Variants in TENT4A observed in about 807,000 individuals in gnomAD.
The protein encoded by TENT4A is DNA polymerase kappa.
Under a neutral mutation model 72.8 loss-of-function variants are expected in TENT4A, and 7 were observed. That is an observed-to-expected ratio of 0.10 (90% confidence interval 0.05 to 0.18). The LOEUF (loss-of-function observed/expected upper bound fraction) is 0.18, where lower values mean the gene tolerates loss of function less well. TENT4A is among the 10% of genes least tolerant of loss of function. The pLI, the probability that TENT4A is intolerant of heterozygous loss-of-function variation, is 1.00. For synonymous variants in TENT4A, 456 were observed against 434.3 expected, an observed-to-expected ratio of 1.05 and a Z score of -0.62; for missense variants, 831 against 1,017.7, an observed-to-expected ratio of 0.82 and a Z score of 2.50.
intron 6 of TENT4A, 30 bp downstream of exon 6, chr5:6,743,870 T>C: frequency 6.2e-7 from 1 of 1,609,972 alleles, no homozygotes; most frequent in Non-Finnish European, 8.5e-7. Flanking sequence ...ACTGTTTCTG[T>C]TGAGACATGT....
chr5:6,748,719 T>G lies in TENT4A; in HGVS notation c.1586+129T>G, dbSNP rs1279723988. On this transcript the variant is annotated intron_variant, in intron 8 of 12. Coordinates refer to ENST00000230859, the MANE Select transcript of TENT4A (RefSeq NM_006999.6). The stretch of plus-strand genomic sequence containing the variant: ...GCCGTATTTCAGTAGAATCTAGATA[T>G]GTTGGTGAAGGAAGGCCTTCTAGGA... 3 of 992,982 alleles carry G rather than the reference T, an allele frequency of 3.0e-6. No homozygotes were observed. The East Asian group carries it at 7.3e-5, about 24-fold the overall frequency. 61.5% of individuals were successfully genotyped at this position (992,982 alleles called of 1,614,324 possible).
rs1029507583 is a variant in TENT4A at position 6,713,574 on chromosome 5, G to C, written c.-410G>C. ...CCTCCCGCGGGTCCTTCAGCCGCTC[G>C]GCGCCTGGGCCCGCCCCCTCGGCCC... is the stretch of plus-strand genomic sequence containing the variant. On this transcript the variant is annotated 5_prime_UTR_variant, in exon 1 of 13. Coordinates refer to ENST00000230859, the MANE Select transcript of TENT4A (RefSeq NM_006999.6). 6.8e-6 allele frequency: 1 copy of C among 146,838 alleles called. No individual in the cohort carries two copies. The highest frequency in any genetic ancestry group is 2.5e-5 in the African/African-American group (1 of 40,312). 9.1% of individuals were successfully genotyped at this position (146,838 alleles called of 1,614,324 possible).
intron 1 of TENT4A, among the ~76,000 whole-genome samples, chr5:6,728,981 T>C (rs1340100168): frequency 6.6e-6 from 1 of 152,244 alleles, no homozygotes; most frequent in Non-Finnish European, 1.5e-5. Context: ...AAAAAAATGC[T>C]AGGTAAGCAT....
chr5:6,754,689 C>A, intron 12 of TENT4A, 62 bp from the exon 13 acceptor site: 1 of 1,377,376 alleles, frequency 7.3e-7, no homozygotes, highest in East Asian at 2.5e-5. Flanking sequence ...GGTCACTGCC[C>A]GAGGACGTGG....
chr5:6,753,322 A>G (rs913776682), intron 12 of TENT4A, among the ~76,000 whole-genome samples: 1 of 152,262 alleles, frequency 6.6e-6, no homozygotes, highest in African/African-American at 2.4e-5. Context: ...CAAAATGAAG[A>G]CTTTTCCCAT....
At chr5:6,743,278 C>T (rs1276584714) in intron 5 of TENT4A, among the ~76,000 whole-genome samples, 1 of 152,116 alleles carries the variant, frequency 6.6e-6, no homozygotes. Flanking sequence ...AAGCGCAACA[C>T]GAACAGCAGC....
At position 6,754,916 on chromosome 5, in the gene TENT4A, G is replaced by T. The variant is rs1034182952; in HGVS notation, c.2350G>T (p.Asp784Tyr). 6.3e-7 allele frequency: 1 copy of T among 1,589,084 alleles called. No individual in the cohort carries two copies. The highest frequency in any genetic ancestry group is 8.6e-7 in the Non-Finnish European group (1 of 1,161,548). Residue 784 changes from aspartate (D) to tyrosine (Y), a missense_variant, in exon 13 of 13, where the codon GAC (aspartate) becomes TAC (tyrosine). By Grantham distance (160) the Asp-to-Tyr change is radical (BLOSUM62 -3). This residue lies in a region of TENT4A where 332 missense variants were observed against 324.3 expected (regional missense o/e 1.02). Transcript: ENST00000230859. Reference protein sequence around the residue: ...WRRKKHTHTRDSLPVSLSR With the variant: ...WRRKKHTHTRYSLPVSLSR ...GAGGAAAAAACACACACACACACGG[G>T]ACAGTCTGCCCGTGAGCCTCAGCAG... is the stretch of plus-strand genomic sequence containing the variant.
At chr5:6,743,613 C>A in intron 5 of TENT4A, 99 bp from the exon 6 acceptor site, 1 of 962,660 alleles carries the variant, frequency 1.0e-6, no homozygotes, top group Non-Finnish European at 1.6e-6. Context: ...GCAAGAGGAT[C>A]GAGGAAACTT....
At chr5:6,723,657 A>G (rs999253535) in intron 1 of TENT4A, among the ~76,000 whole-genome samples, 2 of 152,238 alleles carry the variant, frequency 1.3e-5, no homozygotes, top group African/African-American at 4.8e-5. Flanking sequence ...AACTCATTCT[A>G]CAAACATGGT....
intron 1 of TENT4A, among the ~76,000 whole-genome samples, chr5:6,734,721 A>G (rs1741388921): frequency 6.6e-6 from 1 of 152,218 alleles, no homozygotes; most frequent in Non-Finnish European, 1.5e-5. Flanking sequence ...TTTGGACACA[A>G]TGCCAAGGTC....
At chr5:6,751,374 A>T in intron 11 of TENT4A, 177 bp downstream of exon 11, 1 of 644,084 alleles carries the variant, frequency 1.6e-6, no homozygotes, top group Non-Finnish European at 2.6e-6. Flanking sequence ...GAGGTCCCCC[A>T]TGTATAGTTT....
chr5:6,720,310 A>G (rs556514982), intron 1 of TENT4A, among the ~76,000 whole-genome samples: 6 of 152,208 alleles, frequency 3.9e-5, no homozygotes, highest in African/African-American at 1.4e-4. Context: ...CCTTGAGGGG[A>G]GGAGGTTCTT....
chr5:6,732,725 A>G lies in TENT4A; in HGVS notation c.717-4785A>G, dbSNP rs141190695. On this transcript the variant is annotated intron_variant, in intron 1 of 12. Transcript: ENST00000230859. ...TTTCGAGTAGTTTCCTGACTAAAAT[A>G]AAAATTCACTAAAAAAAACCTCTGC... Among the ~76,000 whole-genome samples, 6 of 152,322 alleles carry G rather than the reference A, an allele frequency of 3.9e-5. No homozygotes were observed. The East Asian group carries it at 1.2e-3, about 29-fold the overall frequency.
chr5:6,741,071 G>A (rs1049923513), intron 4 of TENT4A, among the ~76,000 whole-genome samples: 2 of 152,238 alleles, frequency 1.3e-5, no homozygotes, highest in African/African-American at 4.8e-5. Context: ...CACCTTTGGA[G>A]TAGAGGAACT....
In TENT4A at chr5:6,752,992, C is replaced by G; in HGVS notation, c.2139C>G (p.Pro713=). 1 of 1,614,220 alleles carries G rather than the reference C, an allele frequency of 6.2e-7. No homozygotes were observed. The highest frequency in any genetic ancestry group is 1.7e-5 in the Admixed American group (1 of 60,028). ...AVHHMSSPAI[P]SASPNPLSSP... is the part of the protein sequence containing the mutation. ...ACCACATGTCTTCCCCGGCCATTCC[C>G]TCAGCGTCCCCCAACCCGCTCTCGA... The change falls in exon 12 of 13, where the codon CCC becomes CCG. Residue 713 remains proline (P), a synonymous_variant. Coordinates refer to ENST00000230859, the MANE Select transcript of TENT4A (RefSeq NM_006999.6).
chr5:6,724,353 A>T (rs1038542447), intron 1 of TENT4A, among the ~76,000 whole-genome samples: 1 of 152,246 alleles, frequency 6.6e-6, no homozygotes, highest in African/African-American at 2.4e-5. Context: ...AAACATTATT[A>T]AAAAATGGAA....
chr5:6,744,388 A>T (rs945339561), intron 6 of TENT4A, among the ~76,000 whole-genome samples: 1 of 152,244 alleles, frequency 6.6e-6, no homozygotes, highest in Non-Finnish European at 1.5e-5. Flanking sequence ...ATAAACTGTA[A>T]TTATACTTTT....
rs766876723 is a variant in TENT4A, at chr5:6,737,598, G to A, written c.805G>A (p.Glu269Lys). The stretch of plus-strand genomic sequence containing the variant: ...GAGAAGAGAGGTGGTGAAACGGATC[G>A]AAACTGTGGTGAAAGACCTTTGGCC... ...AMRREVVKRIETVVKDLWPTA... is the reference protein window; with the variant it reads ...AMRREVVKRIKTVVKDLWPTA... The change falls in exon 2 of 13, where the codon GAA (glutamate) becomes AAA (lysine). Residue 269 changes from glutamate to lysine, a missense_variant. By Grantham distance (56) the Glu-to-Lys change is moderately conservative. Around this residue, in one of 3 missense-constraint regions of TENT4A, gnomAD observed 197 missense variants for 399.6 expected, o/e 0.49. Coordinates refer to ENST00000230859, the MANE Select transcript of TENT4A (RefSeq NM_006999.6). 1.1e-5 allele frequency: 18 copies of A among 1,614,074 alleles called. No individual in the cohort carries two copies. The highest frequency in any genetic ancestry group is 2.2e-5 in the East Asian group (1 of 44,902).
At chr5:6,741,296 G>A (rs1741793379) in intron 4 of TENT4A, among the ~76,000 whole-genome samples, 1 of 152,206 alleles carries the variant, frequency 6.6e-6, no homozygotes, top group South Asian at 2.1e-4. Flanking sequence ...AGAGACCCAG[G>A]GCGAGGGCTG....
Sources: gnomAD v4.1 joint callset for allele counts (sites outside exome capture counted in the v4.1 genomes callset) on GRCh38, gnomAD v4.1.1 for gene constraint, gnomAD v4.1.1 regional missense constraint, MANE v1.5 for transcripts, NCBI Gene and HGNC (gene_info 2026-07-23, HGNC 2026-07-21) for gene names.